The following GNAL variants were observed in gnomAD, a reference collection of about 807,000 sequenced individuals.
The protein encoded by GNAL is guanine nucleotide-binding protein G(olf) subunit alpha.
GNAL carries 18 observed loss-of-function variants against 55.1 expected under a neutral mutation model. The ratio of observed to expected loss-of-function variants is 0.33; its 90% confidence interval spans 0.23 to 0.48. GNAL has a LOEUF of 0.48. Among genes scored for constraint, GNAL ranks in the 20% least tolerant of loss-of-function variants. The pLI, the probability that GNAL is intolerant of heterozygous loss-of-function variation, is 0.99. For missense variants in GNAL, 412 were observed against 614.1 expected, an observed-to-expected ratio of 0.67 and a Z score of 3.48; for synonymous variants, 253 against 237.0, an observed-to-expected ratio of 1.07 and a Z score of -0.62.
rs1182269320 is a variant in GNAL, at chr18:11,751,756, C to G, written c.377-1097C>G. The G allele has an allele frequency of 2.9e-6, 2 of 699,536 alleles. No individual in the cohort carries two copies. Among genetic ancestry groups the G allele is most frequent in the Non-Finnish European group, 3.5e-6 (2 of 568,298 alleles). 43.3% of individuals were successfully genotyped at this position (699,536 alleles called of 1,614,324 possible). A position where few individuals can be genotyped will look rare whatever the true frequency, so the allele number is the denominator to read the frequency against. On this transcript the variant is annotated intron_variant, in intron 1 of 11. Coordinates refer to ENST00000334049, the MANE Select transcript of GNAL (RefSeq NM_182978.4). The surrounding 1 kb of genome is among the most constrained non-coding windows in gnomAD (Gnocchi z 4.5). The stretch of plus-strand genomic sequence containing the variant: ...CCGTGGGGGGTCAGCTCCCTGACCC[C>G]TACAGCGCGGTAGCGCCTCTCCGAG...
intron 7 of GNAL, 49 bp from the exon 8 acceptor site, chr18:11,867,118 AT>A (rs1463348614): frequency 7.1e-7 from 1 of 1,407,478 alleles, no homozygotes; most frequent in Non-Finnish European, 1.0e-6. Context: ...CACGTTTGCC[AT>A]TGTCCCCTGC....
At chr18:11,733,221 T>G (rs1002683876) in intron 1 of GNAL, among the ~76,000 whole-genome samples, 1 of 152,010 alleles carries the variant, frequency 6.6e-6, no homozygotes, top group Non-Finnish European at 1.5e-5. Context: ...AGCCGTCGAC[T>G]GGGGACTTGG....
intron 4 of GNAL, among the ~76,000 whole-genome samples, chr18:11,763,440 C>T (rs192017834): frequency 6.6e-6 from 1 of 151,794 alleles, no homozygotes; most frequent in African/African-American, 2.4e-5. Context: ...TGAACAGAGT[C>T]TCGCTCTGTC....
rs1049270447 is a variant in GNAL at position 11,730,737 on chromosome 18, C to T, written c.377-22116C>T. 4.0e-5 allele frequency among the ~76,000 whole-genome samples: 6 copies of T among 151,580 alleles called. No individual in the cohort carries two copies. The East Asian group carries it at 1.2e-3, about 30-fold the overall frequency. ...TGAGATCGCGTCACTGCACCCCAGC[C>T]TGGGTAACAGAGTGAGACTCCATCT... On this transcript the variant is annotated intron_variant, in intron 1 of 11. Coordinates refer to ENST00000334049, the MANE Select transcript of GNAL (RefSeq NM_182978.4).
chr18:11,751,592 C>T lies in GNAL; in HGVS notation c.377-1261C>T. 1.0e-6 allele frequency: 1 copy of T among 985,432 alleles called. No individual in the cohort carries two copies. The highest frequency in any genetic ancestry group is 5.2e-4 in the Middle Eastern group (1 of 1,912). 61.0% of individuals were successfully genotyped at this position (985,432 alleles called of 1,614,324 possible). ...CGCCCGCCAGGAGCAGGGACGCGTCCGAGCCAACACGGGGCGCGCGCCCAG... is the reference window on the plus strand; with the variant it reads ...CGCCCGCCAGGAGCAGGGACGCGTCTGAGCCAACACGGGGCGCGCGCCCAG... On this transcript the variant is annotated intron_variant, in intron 1 of 11. Coordinates refer to ENST00000334049, the MANE Select transcript of GNAL (RefSeq NM_182978.4). The surrounding 1 kb of genome is among the most constrained non-coding windows in gnomAD (Gnocchi z 4.5).
chr18:11,716,527 C>G (rs887598033), intron 1 of GNAL, among the ~76,000 whole-genome samples: 2 of 152,156 alleles, frequency 1.3e-5, no homozygotes, highest in African/African-American at 4.8e-5. Flanking sequence ...TGCTTTTATT[C>G]TCTTATCTGG....
chr18:11,785,577 C>T (rs534111851), intron 4 of GNAL, among the ~76,000 whole-genome samples: 1 of 152,372 alleles, frequency 6.6e-6, no homozygotes, highest in South Asian at 2.1e-4. Context: ...CTGGACAGCA[C>T]TCCATCCAGC....
At chr18:11,806,180 C>T (rs370067774) in intron 4 of GNAL, among the ~76,000 whole-genome samples, 16 of 152,222 alleles carry the variant, frequency 1.1e-4, no homozygotes, top group African/African-American at 3.6e-4. Flanking sequence ...CATTTGCCCA[C>T]TTTTTAATGG....
intron 5 of GNAL, among the ~76,000 whole-genome samples, chr18:11,833,277 C>G (rs368169076): frequency 1.4e-4 from 21 of 152,238 alleles, no homozygotes; most frequent in Admixed American, 4.6e-4. Context: ...GTGTTCTCCC[C>G]ACCTTGGCTC....
At chr18:11,805,833 A>C (rs1568035622) in intron 4 of GNAL, among the ~76,000 whole-genome samples, 1 of 152,188 alleles carries the variant, frequency 6.6e-6, no homozygotes, top group Non-Finnish European at 1.5e-5. Context: ...TCTTTTTGAC[A>C]TAATGATTTC....
chr18:11,696,513 A>G (rs960501995), intron 1 of GNAL, among the ~76,000 whole-genome samples: 2 of 151,992 alleles, frequency 1.3e-5, no homozygotes, highest in African/African-American at 2.4e-5. Context: ...TCAAAAAAAA[A>G]AAAAAGCACG....
At chr18:11,850,751 G>A (rs1371131350) in intron 5 of GNAL, among the ~76,000 whole-genome samples, 1 of 152,156 alleles carries the variant, frequency 6.6e-6, no homozygotes, top group Non-Finnish European at 1.5e-5. Context: ...ACGATTTTTG[G>A]ATAATTGCTG....
In GNAL at chr18:11,696,763, C is replaced by T. The variant is rs1045889045; in HGVS notation, c.376+6824C>T. The stretch of plus-strand genomic sequence containing the variant: ...AAAAATGCTCTCTTGGACTTGTCAA[C>T]CCTCTCGTGTTTATTCACATGATTA... On this transcript the variant is annotated intron_variant, in intron 1 of 11. Coordinates refer to ENST00000334049, the MANE Select transcript of GNAL (RefSeq NM_182978.4). Among the ~76,000 whole-genome samples the T allele has an allele frequency of 4.6e-5, 7 of 152,166 alleles. No homozygotes were observed. In the East Asian group the frequency reaches 1.3e-3, roughly 29 times the overall value.
At chr18:11,870,704 G>A (rs1019181286) in intron 9 of GNAL, among the ~76,000 whole-genome samples, 6 of 152,050 alleles carry the variant, frequency 3.9e-5, no homozygotes, top group South Asian at 2.1e-4. Flanking sequence ...TATTTAGCGC[G>A]CACACACACA....
chr18:11,788,583 CAG>C, intron 4 of GNAL, among the ~76,000 whole-genome samples: 1 of 151,958 alleles, frequency 6.6e-6, no homozygotes, highest in East Asian at 1.9e-4. Flanking sequence ...AAAATATTGA[CAG>C]TGTTGGCCGG....
Position 11,868,395 on chromosome 18 carries a change from G to T in GNAL, c.911-148G>T. ...GTTACTGAAGCAACCAGTGGTGCGCGGCGCACCTGCAGGCTGTTCTGTGAC... is the reference window on the plus strand; with the variant it reads ...GTTACTGAAGCAACCAGTGGTGCGCTGCGCACCTGCAGGCTGTTCTGTGAC... On this transcript the variant is annotated intron_variant, in intron 8 of 11. Coordinates refer to ENST00000334049, the MANE Select transcript of GNAL (RefSeq NM_182978.4). The surrounding 1 kb of genome is among the most constrained non-coding windows in gnomAD (Gnocchi z 4.0). The T allele has an allele frequency of 1.6e-6, 1 of 617,986 alleles. No individual in the cohort carries two copies. Among genetic ancestry groups the T allele is most frequent in the Non-Finnish European group, 2.7e-6 (1 of 363,744 alleles). 38.3% of individuals were successfully genotyped at this position (617,986 alleles called of 1,614,324 possible).
chr18:11,795,756 C>T (rs1481226366), intron 4 of GNAL, among the ~76,000 whole-genome samples: 1 of 152,190 alleles, frequency 6.6e-6, no homozygotes, highest in East Asian at 1.9e-4. Flanking sequence ...GCCATCCAGG[C>T]CTCTGGTTCC....
In GNAL at chr18:11,711,114, A is replaced by G. The variant is rs552928095; in HGVS notation, c.376+21175A>G. ...ATGGTCTCGATCTCCTGACCTCGTGATCCACCCACCTCAGCCTCCCAAAGT... is the reference window on the plus strand; with the variant it reads ...ATGGTCTCGATCTCCTGACCTCGTGGTCCACCCACCTCAGCCTCCCAAAGT... On this transcript the variant is annotated intron_variant, in intron 1 of 11. Coordinates refer to ENST00000334049, the MANE Select transcript of GNAL (RefSeq NM_182978.4). 8.5e-4 allele frequency among the ~76,000 whole-genome samples: 129 copies of G among 152,256 alleles called. No individual in the cohort carries two copies. The Middle Eastern group carries it at 0.02, about 24-fold the overall frequency.
At chr18:11,873,487 G>A (rs1019171361) in intron 10 of GNAL, among the ~76,000 whole-genome samples, 2 of 152,188 alleles carry the variant, frequency 1.3e-5, no homozygotes, top group Non-Finnish European at 2.9e-5. Context: ...TTGGAAATGG[G>A]CCTGAGCACC....
Sources: allele counts gnomAD v4.1 joint callset (sites outside exome capture counted in the v4.1 genomes callset), GRCh38; gene constraint gnomAD v4.1.1; non-coding constraint Gnocchi (gnomAD v3.1); transcripts MANE v1.5; gene names NCBI Gene and HGNC (gene_info 2026-07-23, HGNC 2026-07-21).